Variants in PRMT3 observed in about 807,000 individuals in gnomAD.
The protein encoded by PRMT3 is protein arginine N-methyltransferase 3.
In PRMT3, 62 loss-of-function variants were observed where a neutral mutation model predicts 71.9. That is an observed-to-expected ratio of 0.86 (90% CI 0.70 to 1.07). PRMT3 has a LOEUF of 1.07. Ranked by LOEUF, PRMT3 falls within the 50% of genes least tolerant of loss-of-function variation. The pLI is 0.00. For synonymous variants in PRMT3, 213 were observed against 220.4 expected, an observed-to-expected ratio of 0.97 and a Z score of 0.30; for missense variants, 663 against 643.0, an observed-to-expected ratio of 1.03 and a Z score of -0.34.
At chr11:20,471,765 G>GT (rs1850650432) in intron 13 of PRMT3, among the ~76,000 whole-genome samples, 1 of 152,128 alleles carries the variant, frequency 6.6e-6, no homozygotes, top group African/African-American at 2.4e-5. Flanking sequence ...AATGGGAATA[G>GT]CATTGAATCT....
At chr11:20,498,395 ACAT>A (rs1851381143) in intron 15 of PRMT3, among the ~76,000 whole-genome samples, 1 of 152,216 alleles carries the variant, frequency 6.6e-6, no homozygotes. Flanking sequence ...GTAAAATGAA[ACAT>A]CATGTAGAGA....
chr11:20,495,533 G>A (rs546868807), intron 15 of PRMT3, among the ~76,000 whole-genome samples: 1 of 152,064 alleles, frequency 6.6e-6, no homozygotes, highest in South Asian at 2.1e-4. Context: ...AAAAGTTATT[G>A]CATTCAAAAT....
chr11:20,464,379 G>A, intron 12 of PRMT3, 81 bp from the exon 13 acceptor site: 1 of 1,470,650 alleles, frequency 6.8e-7, no homozygotes, highest in Non-Finnish European at 9.0e-7. Context: ...TGTTTGTCTG[G>A]GTTGTTTTTG....
chr11:20,474,724 G>A (rs1412314269), intron 13 of PRMT3, among the ~76,000 whole-genome samples: 2 of 152,220 alleles, frequency 1.3e-5, no homozygotes, highest in African/African-American at 4.8e-5. Flanking sequence ...TTGTTCTTCA[G>A]TACTGCAAGG....
intron 10 of PRMT3, among the ~76,000 whole-genome samples, chr11:20,442,112 C>G (rs190377998): frequency 5.3e-5 from 8 of 152,232 alleles, no homozygotes; most frequent in African/African-American, 1.9e-4. Context: ...ACTTAAATAC[C>G]AACTTTACTA....
intron 13 of PRMT3, 63 bp downstream of exon 13, chr11:20,464,609 GAGTTTA>G (rs765704072): frequency 1.2e-5 from 19 of 1,589,746 alleles, no homozygotes; most frequent in Non-Finnish European, 1.5e-5. Flanking sequence ...GCAGGCTAAT[GAGTTTA>G]ATTACCAGGC....
intron 13 of PRMT3, among the ~76,000 whole-genome samples, chr11:20,490,340 C>G (rs1851178024): frequency 6.6e-6 from 1 of 152,142 alleles, no homozygotes; most frequent in Non-Finnish European, 1.5e-5. Context: ...GTGCTTACAA[C>G]TGAAGTTAAC....
rs769739008 is a variant in PRMT3 at position 20,462,049 on chromosome 11, CT to C, written c.1147del (p.Trp383GlyfsTer12). 6 of 1,612,734 alleles carry C rather than the reference CT, an allele frequency of 3.7e-6. No homozygotes were observed. The South Asian group carries it at 6.6e-5, about 18-fold the overall frequency. ...SDVNKHADRI[A>X]FWDDVYGFKM... Reference sequence around the variant, plus strand: ...GTGAATAAACATGCTGATAGAATTGCTTTTTGGGATGATGTCTATGGCTTCA... The same window carrying C: ...GTGAATAAACATGCTGATAGAATTGCTTTTGGGATGATGTCTATGGCTTCA... On this transcript the variant is annotated frameshift_variant, in exon 12 of 16. Coordinates refer to ENST00000331079, the MANE Select transcript of PRMT3 (RefSeq NM_005788.4). LOFTEE classifies it high-confidence loss of function.
intron 13 of PRMT3, among the ~76,000 whole-genome samples, chr11:20,489,217 A>C (rs951651802): frequency 4.6e-5 from 7 of 152,108 alleles, no homozygotes; most frequent in Non-Finnish European, 8.8e-5. Context: ...TTTAGTTATA[A>C]ATTTTTCTGA....
At chr11:20,464,424 T>C (rs766039129) in intron 12 of PRMT3, 36 bp from the exon 13 acceptor site, 1 of 1,546,044 alleles carries the variant, frequency 6.5e-7, no homozygotes, top group Non-Finnish European at 8.7e-7. Context: ...GGACTATTTT[T>C]ACTAAGCTCT....
At chr11:20,423,902 A>G (rs910998874) in intron 9 of PRMT3, among the ~76,000 whole-genome samples, 3 of 105,260 alleles carry the variant, frequency 2.9e-5, no homozygotes, top group Admixed American at 1.0e-4. Context: ...AAAAAAAAAA[A>G]GGCCAGGCGC....
In PRMT3 at chr11:20,427,041, C is replaced by T. The variant is rs1014321076; in HGVS notation, c.993+176C>T. 1.3e-5 allele frequency among the ~76,000 whole-genome samples: 2 copies of T among 152,098 alleles called. 1 individual carries two copies. The highest frequency in any genetic ancestry group is 1.3e-4 in the Admixed American group (2 of 15,274). ...TAAAAAAATAGCTACAGTCTTCTTA[C>T]TGTAGTTTATTCTGAAATGGCCCTT... On this transcript the variant is annotated intron_variant, in intron 10 of 15. Transcript: ENST00000331079.
chr11:20,410,878 C>A (rs1234879419), intron 9 of PRMT3, among the ~76,000 whole-genome samples: 1 of 152,082 alleles, frequency 6.6e-6, no homozygotes, highest in African/African-American at 2.4e-5. Flanking sequence ...CAAGTGACAT[C>A]TGCAGTCACA....
At chr11:20,464,683 C>T (rs1850466918) in intron 13 of PRMT3, 137 bp downstream of exon 13, 3 of 1,361,024 alleles carry the variant, frequency 2.2e-6, no homozygotes, top group South Asian at 1.6e-5. Flanking sequence ...TTTGCTAGGC[C>T]ATTGAACAGA....
intron 15 of PRMT3, among the ~76,000 whole-genome samples, chr11:20,500,926 A>G (rs1352162468): frequency 5.9e-5 from 9 of 151,886 alleles, no homozygotes; most frequent in Admixed American, 1.3e-4. Flanking sequence ...ACAAACTCCT[A>G]TGTCCCTTTG....
At chr11:20,506,024 G>A (rs1192445402) in intron 15 of PRMT3, among the ~76,000 whole-genome samples, 7 of 152,160 alleles carry the variant, frequency 4.6e-5, no homozygotes, top group African/African-American at 1.7e-4. Context: ...CTGCCTTGCT[G>A]AAAATCCTAG....
intron 9 of PRMT3, 107 bp downstream of exon 9, chr11:20,408,139 CTT>C: frequency 1.3e-6 from 1 of 770,076 alleles, no homozygotes; most frequent in Non-Finnish European, 1.8e-6. Context: ...AGACATTTGT[CTT>C]TTAGTAAAAA....
At chr11:20,504,937 T>G (rs1851555251) in intron 15 of PRMT3, among the ~76,000 whole-genome samples, 1 of 152,172 alleles carries the variant, frequency 6.6e-6, no homozygotes, top group African/African-American at 2.4e-5. Context: ...TTTGCCAGGT[T>G]GGCCAGGCTG....
At chr11:20,460,900 G>A (rs1850368478) in intron 11 of PRMT3, among the ~76,000 whole-genome samples, 1 of 152,060 alleles carries the variant, frequency 6.6e-6, no homozygotes, top group African/African-American at 2.4e-5. Flanking sequence ...CAATATCCTA[G>A]TTCAGATCAC....
Sources: gnomAD v4.1 joint callset for allele counts (sites outside exome capture counted in the v4.1 genomes callset) on GRCh38, gnomAD v4.1.1 for gene constraint, MANE v1.5 for transcripts, NCBI Gene and HGNC (gene_info 2026-07-23, HGNC 2026-07-21) for gene names.